PHF2: variants seen among roughly 807,000 people sequenced by gnomAD.
PHF2 encodes the protein PHD finger protein 2.
In PHF2, 27 loss-of-function variants were observed where a neutral mutation model predicts 120.5. The observed-to-expected ratio is 0.22, with a 90% CI of 0.17 to 0.31. PHF2 has a LOEUF of 0.31. PHF2 is among the 10% of genes least tolerant of loss of function. The probability of loss-of-function intolerance (pLI) is 1.00; values close to 1 mark genes in which losing one functional copy is unlikely to be tolerated. For missense variants in PHF2, 1,024 were observed against 1,434.8 expected, an observed-to-expected ratio of 0.71 and a Z score of 4.63; for synonymous variants, 568 against 592.5, an observed-to-expected ratio of 0.96 and a Z score of 0.60.
intron 1 of PHF2, among the ~76,000 whole-genome samples, chr9:93,577,682 T>A (rs1056269950): frequency 6.6e-6 from 1 of 152,076 alleles, no homozygotes; most frequent in African/African-American, 2.4e-5. Context: ...TTTGACATGA[T>A]CTTATGCTCC....
chr9:93,658,217 G>A lies in PHF2; in HGVS notation c.1220G>A (p.Arg407Gln), dbSNP rs1314669287. Residue 407 changes from arginine (R) to glutamine (Q), a missense_variant, in exon 10 of 22, where the codon CGA becomes CAA. By Grantham distance (43) the Arg-to-Gln change is conservative. Coordinates refer to ENST00000359246, the MANE Select transcript of PHF2 (RefSeq NM_005392.4). ...QGAKILNGAFRSWTKKQALAE... is the reference protein window; with the variant it reads ...QGAKILNGAFQSWTKKQALAE... ...GCTAAAATTCTCAATGGTGCTTTCC[G>A]ATCGTGGACGAAGAAGCAGGTAGGA... 4 of 1,612,050 alleles carry A rather than the reference G, an allele frequency of 2.5e-6. No homozygotes were observed. The highest frequency in any genetic ancestry group is 3.4e-6 in the Non-Finnish European group (4 of 1,179,324).
intron 1 of PHF2, among the ~76,000 whole-genome samples, chr9:93,596,145 C>G (rs1825327957): frequency 6.6e-6 from 1 of 152,148 alleles, no homozygotes; most frequent in South Asian, 2.1e-4. Flanking sequence ...GGAGTGGGGG[C>G]TGTCCTGGGA....
rs145685692 is a variant in PHF2 at position 93,647,365 on chromosome 9, C to T, written c.460+1576C>T. Among the ~76,000 whole-genome samples, 3 of 152,278 alleles carry T rather than the reference C, an allele frequency of 2.0e-5. No individual in the cohort carries two copies. The East Asian group carries it at 5.8e-4, about 29-fold the overall frequency. ...GGTGGGGCCTGGTTTTTCCCCTGGC[C>T]GTGTTCCCTCCACAGCTGTCCCTGC... On this transcript the variant is annotated intron_variant, in intron 4 of 21. Transcript: ENST00000359246.
In PHF2 at chr9:93,673,833, T is replaced by C; in HGVS notation, c.2597T>C (p.Leu866Pro). The C allele has an allele frequency of 1.2e-6, 2 of 1,602,732 alleles. No homozygotes were observed. The highest frequency in any genetic ancestry group is 1.7e-6 in the Non-Finnish European group (2 of 1,171,568). The change falls in exon 18 of 22, where the codon CTG becomes CCG. Residue 866 changes from leucine to proline, a missense_variant. This residue lies in a region of PHF2 where 677 missense variants were observed against 857.4 expected (regional missense o/e 0.79). Coordinates refer to ENST00000359246, the MANE Select transcript of PHF2 (RefSeq NM_005392.4). ...GACTACGAGGAAGAGCAGGACCACC[T>C]GGATGCCTGCTTCAAGGACTCAGAC... ...LDDYEEEQDH[L>P]DACFKDSDYV...
intron 14 of PHF2, among the ~76,000 whole-genome samples, chr9:93,664,918 G>T (rs998408886): frequency 6.6e-6 from 1 of 152,250 alleles, no homozygotes; most frequent in Non-Finnish European, 1.5e-5. Context: ...CCTAGGCACT[G>T]TATCCAGGTG....
At chr9:93,618,112 A>G (rs1401076618) in intron 1 of PHF2, among the ~76,000 whole-genome samples, 1 of 152,242 alleles carries the variant, frequency 6.6e-6, no homozygotes, top group East Asian at 1.9e-4. Context: ...GGCTTTGGGC[A>G]CTAAATTAGC....
At chr9:93,606,830 A>G (rs1825551224) in intron 1 of PHF2, among the ~76,000 whole-genome samples, 1 of 152,174 alleles carries the variant, frequency 6.6e-6, no homozygotes, top group Non-Finnish European at 1.5e-5. Flanking sequence ...ATGAGTTTGC[A>G]TTTTACATTT....
At chr9:93,612,306 C>T (rs375362281) in intron 1 of PHF2, among the ~76,000 whole-genome samples, 1 of 139,180 alleles carries the variant, frequency 7.2e-6, no homozygotes, top group African/African-American at 2.6e-5. Context: ...AGCTCCTACC[C>T]AAGAAGTTTT....
chr9:93,663,458 G>T (rs1253986157), intron 13 of PHF2, 59 bp from the exon 14 acceptor site: 2 of 1,015,294 alleles, frequency 2.0e-6, no homozygotes, highest in Non-Finnish European at 3.0e-6. Flanking sequence ...ACACTAATTG[G>T]GGTCCTGACC....
At chr9:93,604,767 T>A (rs1825509125) in intron 1 of PHF2, among the ~76,000 whole-genome samples, 1 of 152,202 alleles carries the variant, frequency 6.6e-6, no homozygotes, top group Non-Finnish European at 1.5e-5. Context: ...TCTTATATTC[T>A]AGTGCTCATC....
intron 3 of PHF2, among the ~76,000 whole-genome samples, chr9:93,641,880 G>A (rs1189435073): frequency 2.0e-5 from 3 of 152,092 alleles, no homozygotes; most frequent in African/African-American, 7.2e-5. Flanking sequence ...GAAGATTTAT[G>A]CCTTTGTTTT....
At chr9:93,594,466 A>G (rs1825294098) in intron 1 of PHF2, among the ~76,000 whole-genome samples, 1 of 152,176 alleles carries the variant, frequency 6.6e-6, no homozygotes, top group Non-Finnish European at 1.5e-5. Flanking sequence ...AGGAGCAGCC[A>G]CCACTTCCCA....
intron 1 of PHF2, among the ~76,000 whole-genome samples, chr9:93,608,775 T>C (rs1587678200): frequency 6.6e-6 from 1 of 152,294 alleles, no homozygotes; most frequent in East Asian, 1.9e-4. Flanking sequence ...TATTTTAAGT[T>C]GGTTTCTGTT....
In PHF2 at chr9:93,673,270, G is replaced by T. The variant is rs918755836; in HGVS notation, c.2349-315G>T. Among the ~76,000 whole-genome samples the T allele has an allele frequency of 1.3e-5, 2 of 151,890 alleles. 1 individual carries two copies. The highest frequency in any genetic ancestry group is 2.9e-5 in the Non-Finnish European group (2 of 67,944). On this transcript the variant is annotated intron_variant, in intron 17 of 21. Coordinates refer to ENST00000359246, the MANE Select transcript of PHF2 (RefSeq NM_005392.4). ...GCTTTAAGGTGTGAGAGACCAGTGC[G>T]TGACCATATGAGGGTCTGGACCCTC...
chr9:93,607,419 T>A (rs1825560907), intron 1 of PHF2, among the ~76,000 whole-genome samples: 1 of 148,702 alleles, frequency 6.7e-6, no homozygotes, highest in South Asian at 2.1e-4. Context: ...CTACAGGCCA[T>A]GCACCAACAT....
intron 1 of PHF2, among the ~76,000 whole-genome samples, chr9:93,577,815 G>T (rs978787553): frequency 1.3e-5 from 2 of 152,224 alleles, no homozygotes; most frequent in South Asian, 4.1e-4. Flanking sequence ...TTCCCACCAA[G>T]AAGTAAATGG....
At chr9:93,628,959 C>T (rs1475949300) in intron 1 of PHF2, among the ~76,000 whole-genome samples, 1 of 152,058 alleles carries the variant, frequency 6.6e-6, no homozygotes, top group African/African-American at 2.4e-5. Context: ...TGCAGTGGTG[C>T]AATCTCGGCT....
intron 16 of PHF2, 28 bp from the exon 17 acceptor site, chr9:93,667,052 G>C (rs1587718087): frequency 1.3e-6 from 2 of 1,592,324 alleles, no homozygotes; most frequent in Non-Finnish European, 1.7e-6. Flanking sequence ...ACCCTCCCCT[G>C]ACCGAAGCCC....
rs1191295502 is a variant in PHF2 at position 93,656,923 on chromosome 9, G to T, written c.1147+328G>T. The stretch of plus-strand genomic sequence containing the variant: ...CTCCACACTTGCCTCCATTGGGAGG[G>T]TGGAGCCCTGGCTCTGTCACCAGCT... On this transcript the variant is annotated intron_variant, in intron 9 of 21. Transcript: ENST00000359246. This position sits in a 1 kb window ranked among gnomAD's most constrained non-coding sequence, Gnocchi z 4.1. Among the ~76,000 whole-genome samples the T allele has an allele frequency of 6.6e-6, 1 of 152,200 alleles. No individual in the cohort carries two copies. Among genetic ancestry groups the T allele is most frequent in the East Asian group, 1.9e-4 (1 of 5,186 alleles).
Sources: gnomAD v4.1 joint callset for allele counts (sites outside exome capture counted in the v4.1 genomes callset) on GRCh38, gnomAD v4.1.1 for gene constraint, gnomAD v4.1.1 regional missense constraint, Gnocchi (gnomAD v3.1) non-coding constraint, MANE v1.5 for transcripts, NCBI Gene and HGNC (gene_info 2026-07-23, HGNC 2026-07-21) for gene names.